Variants in NEBL observed in about 807,000 individuals in gnomAD.
NEBL encodes LIM and SH3 protein 2.
A neutral mutation model predicts 140.2 loss-of-function variants in NEBL; 122 were observed. That is an observed-to-expected ratio of 0.87 (90% CI 0.75 to 1.01). The LOEUF (loss-of-function observed/expected upper bound fraction) is 1.01. Ranked by LOEUF, NEBL falls within the 50% of genes least tolerant of loss-of-function variation. The pLI is 0.00. For synonymous variants in NEBL, 436 were observed against 398.9 expected, an observed-to-expected ratio of 1.09 and a Z score of -1.11; for missense variants, 1,365 against 1,231.3, an observed-to-expected ratio of 1.11 and a Z score of -1.62.
At chr10:20,823,124 C>T in intron 19 of NEBL, 84 bp downstream of exon 19, 1 of 1,006,196 alleles carries the variant, frequency 9.9e-7, no homozygotes, top group Non-Finnish European at 1.5e-6. Flanking sequence ...ATTGTGATGG[C>T]ATTTGACCTG....
In NEBL at chr10:21,116,009, T is replaced by C. The variant is rs998931752; in HGVS notation, c.164+56374A>G. ...CTTCAAGTTTACTAATGGTTGCTGT[T>C]TATCCCTCTCATGTATCTTCTGTAT... On this transcript the variant is annotated intron_variant, in intron 2 of 6. Transcript: ENST00000417816. Among the ~76,000 whole-genome samples, 3 of 152,240 alleles carry C rather than the reference T, an allele frequency of 2.0e-5. No individual in the cohort carries two copies. In the East Asian group the frequency reaches 5.8e-4, roughly 29 times the overall value.
intron 4 of NEBL, among the ~76,000 whole-genome samples, chr10:20,919,477 A>C (rs1447156568): frequency 4.6e-5 from 7 of 152,220 alleles, no homozygotes; most frequent in African/African-American, 1.4e-4. Context: ...CCATTTTATA[A>C]AGAAAATTTC....
chr10:21,146,794 T>A (rs1839913226), intron 2 of NEBL, among the ~76,000 whole-genome samples: 1 of 152,210 alleles, frequency 6.6e-6, no homozygotes, highest in Non-Finnish European at 1.5e-5. Flanking sequence ...TTACTGAACT[T>A]CTGGAATAGT....
intron 2 of NEBL, among the ~76,000 whole-genome samples, chr10:21,073,614 CG>C (rs1805920467): frequency 8.6e-6 from 1 of 115,890 alleles, no homozygotes; most frequent in Admixed American, 9.0e-5. Flanking sequence ...AAGACTCTGT[CG>C]TCAAAAAAAA....
chr10:21,244,216 C>T (rs1250494587), intron 3 of NEBL, among the ~76,000 whole-genome samples: 3 of 152,034 alleles, frequency 2.0e-5, no homozygotes, highest in East Asian at 2.0e-4. Flanking sequence ...CAAGCTGGAG[C>T]GCAGTGTGGC....
Position 20,869,592 on chromosome 10 carries a change from T to C in NEBL, c.582+148A>G, listed in dbSNP as rs1484171558. 1.6e-5 allele frequency: 11 copies of C among 675,628 alleles called. No homozygotes were observed. The East Asian group carries it at 3.1e-4, about 19-fold the overall frequency. The allele number at this position is 675,628 out of a possible 1,614,324, so 41.9% of individuals were successfully genotyped here. On this transcript the variant is annotated intron_variant, in intron 6 of 27. Transcript: ENST00000377122. ...TACCCAAATAATTAACATAATAAAA[T>C]AGATAATTTAGGGGGGGAAATTGAG...
At chr10:21,241,216 T>C (rs1842434402) in intron 3 of NEBL, among the ~76,000 whole-genome samples, 1 of 150,602 alleles carries the variant, frequency 6.6e-6, no homozygotes, top group Non-Finnish European at 1.5e-5. Flanking sequence ...CTTCACAGAG[T>C]CCAGAAGCTA....
At chr10:20,896,595 C>A (rs73607545) in intron 2 of NEBL, among the ~76,000 whole-genome samples, 9,769 of 146,798 alleles carry the variant, frequency 0.067, 1,009 homozygotes, top group African/African-American at 0.23. Context: ...AATGACTATT[C>A]ATTTAGATAG....
intron 3 of NEBL, among the ~76,000 whole-genome samples, chr10:21,206,028 G>T (rs1841819622): frequency 6.6e-6 from 1 of 152,118 alleles, no homozygotes. Context: ...CAATTAATAT[G>T]GGAATTCACT....
Position 21,288,845 on chromosome 10 carries a change from TATATAA to T in NEBL, n.182+3979_182+3984del, listed in dbSNP as rs1419121584. 1.8e-4 allele frequency among the ~76,000 whole-genome samples: 15 copies of T among 84,676 alleles called. 1 individual carries two copies. Among genetic ancestry groups the T allele is most frequent in the African/African-American group, 7.9e-4 (15 of 19,032 alleles). 55.6% of individuals were successfully genotyped at this position (84,676 alleles called of 152,430 possible). ...GTATATATATATATATATATATATA[TATATAA>T]AAATTTTTTTTTTTTGAGACGGAGT... On this transcript the variant is annotated intron_variant and non_coding_transcript_variant, in intron 1 of 8. Transcript: ENST00000675702.
chr10:21,161,343 T>C (rs1179199906), intron 2 of NEBL, among the ~76,000 whole-genome samples: 1 of 152,076 alleles, frequency 6.6e-6, no homozygotes, highest in African/African-American at 2.4e-5. Context: ...CTATTCCTTC[T>C]CATTGAGTCA....
chr10:21,098,226 G>T (rs990193070), intron 2 of NEBL, among the ~76,000 whole-genome samples: 1 of 150,966 alleles, frequency 6.6e-6, no homozygotes. Flanking sequence ...TCACTCACAC[G>T]TGCACACATA....
chr10:20,979,146 G>A (rs181890999), intron 3 of NEBL, among the ~76,000 whole-genome samples: 2 of 152,072 alleles, frequency 1.3e-5, no homozygotes, highest in Non-Finnish European at 1.5e-5. Flanking sequence ...GACTGGGCAC[G>A]GTGGCTCACG....
chr10:20,789,911 A>G (rs148417425), intron 26 of NEBL, among the ~76,000 whole-genome samples: 2,171 of 148,520 alleles, frequency 0.015, 49 homozygotes, highest in African/African-American at 0.049. Flanking sequence ...AGATATATGT[A>G]TATATATATG....
intron 19 of NEBL, among the ~76,000 whole-genome samples, chr10:20,822,666 TAG>T (rs1022322350): frequency 1.1e-5 from 1 of 89,850 alleles, no homozygotes; most frequent in African/African-American, 3.1e-5. Context: ...TATAGATATA[TAG>T]AGACTATAGA....
chr10:20,839,221 A>G (rs1483014058), intron 13 of NEBL, among the ~76,000 whole-genome samples: 1 of 152,216 alleles, frequency 6.6e-6, no homozygotes, highest in African/African-American at 2.4e-5. Context: ...ATTCAACTGC[A>G]TCTGTCTGTA....
At chr10:21,058,055 G>A (rs1835111012) in intron 2 of NEBL, among the ~76,000 whole-genome samples, 1 of 152,112 alleles carries the variant, frequency 6.6e-6, no homozygotes, top group African/African-American at 2.4e-5. Context: ...CATTTTTACA[G>A]CCAGTTGCAA....
At chr10:21,093,606 C>A (rs967522768) in intron 2 of NEBL, among the ~76,000 whole-genome samples, 17 of 152,152 alleles carry the variant, frequency 1.1e-4, no homozygotes, top group Admixed American at 1.0e-3. Context: ...GGGGTCACAG[C>A]ATTTTAAGTG....
intron 4 of NEBL, among the ~76,000 whole-genome samples, chr10:20,948,145 G>C (rs566620076): frequency 6.6e-6 from 1 of 152,302 alleles, no homozygotes; most frequent in East Asian, 1.9e-4. Flanking sequence ...CATTTAGGGG[G>C]AAGTATCATC....
Sources: allele counts gnomAD v4.1 joint callset (sites outside exome capture counted in the v4.1 genomes callset), GRCh38; gene constraint gnomAD v4.1.1; transcripts MANE v1.5; gene names NCBI Gene and HGNC (gene_info 2026-07-23, HGNC 2026-07-21).